CCDC157: variants seen among roughly 807,000 people sequenced by gnomAD.
CCDC157 encodes coiled-coil domain containing 157.
Under a neutral mutation model 70.9 loss-of-function variants are expected in CCDC157, and 60 were observed. The ratio of observed to expected loss-of-function variants is 0.85; its 90% CI spans 0.69 to 1.05. CCDC157 has a LOEUF of 1.05. Among genes scored for constraint, CCDC157 ranks in the 50% least tolerant of loss-of-function variants. The probability of loss-of-function intolerance (pLI) is 0.00; values close to 1 mark genes in which losing one functional copy is unlikely to be tolerated. For synonymous variants in CCDC157, 373 were observed against 422.4 expected, an observed-to-expected ratio of 0.88 and a Z score of 1.43; for missense variants, 943 against 984.2, an observed-to-expected ratio of 0.96 and a Z score of 0.56.
At chr22:30,367,511 T>C (rs1370865232) in intron 3 of CCDC157, among the ~76,000 whole-genome samples, 2 of 151,492 alleles carry the variant, frequency 1.3e-5, no homozygotes, top group African/African-American at 4.8e-5. Flanking sequence ...AGTGCTGGGA[T>C]TACAGGCGTG....
intron 10 of CCDC157, 39 bp from the exon 11 acceptor site, chr22:30,376,220 T>TG: frequency 1.3e-6 from 2 of 1,582,658 alleles, no homozygotes; most frequent in Middle Eastern, 1.7e-4. Context: ...AGGGGACTCC[T>TG]GGGCCCTTAT....
intron 8 of CCDC157, 53 bp from the exon 9 acceptor site, chr22:30,373,870 T>C: frequency 3.8e-6 from 6 of 1,566,982 alleles, no homozygotes; most frequent in Non-Finnish European, 5.2e-6. Flanking sequence ...CCCAGGGCGC[T>C]GAGTACCATG....
At chr22:30,371,363 A>G (rs921838953) in intron 5 of CCDC157, 5 of 522,272 alleles carry the variant, frequency 9.6e-6, no homozygotes, top group Non-Finnish European at 1.4e-5. Flanking sequence ...GCCAGTGCCC[A>G]CTGATGGGAG....
intron 5 of CCDC157, 115 bp downstream of exon 5, chr22:30,371,065 T>A (rs1327596025): frequency 1.5e-6 from 2 of 1,305,730 alleles, no homozygotes; most frequent in Non-Finnish European, 2.1e-6. Context: ...GAACCCAGGC[T>A]GGGACACAGG....
Position 30,360,840 on chromosome 22 carries a change from G to A in CCDC157, c.-165-1121G>A, listed in dbSNP as rs150162887. 3.1e-3 allele frequency among the ~76,000 whole-genome samples: 470 copies of A among 152,274 alleles called. 1 individual carries two copies. The highest frequency in any genetic ancestry group is 4.4e-3 in the Non-Finnish European group (299 of 68,024). ...AGGTAGGTGGATCATGAGGTCAGGA[G>A]TTTGAGACTAGCCTGACCAACATAG... is the stretch of plus-strand genomic sequence containing the variant. On this transcript the variant is annotated intron_variant, in intron 1 of 11. Coordinates refer to ENST00000338306, the MANE Select transcript of CCDC157 (RefSeq NM_001017437.5).
In CCDC157 at chr22:30,361,991, C is replaced by A. The variant is rs1028212635; in HGVS notation, c.-135C>A. 2 of 152,494 alleles carry A rather than the reference C, an allele frequency of 1.3e-5. No individual in the cohort carries two copies. The highest frequency in any genetic ancestry group is 4.8e-5 in the African/African-American group (2 of 41,474). 9.4% of individuals were successfully genotyped at this position (152,494 alleles called of 1,614,324 possible). A position where few individuals can be genotyped will look rare whatever the true frequency, so the allele number is the denominator to read the frequency against. On this transcript the variant is annotated 5_prime_UTR_variant, in exon 2 of 12. Coordinates refer to ENST00000338306, the MANE Select transcript of CCDC157 (RefSeq NM_001017437.5). ...GAAGAGCTACTCAGAGCCAACCCTG[C>A]ACTGGAGACAGGAAGCCGGGCACCT...
chr22:30,364,548 C>T (rs1363049940), intron 2 of CCDC157, among the ~76,000 whole-genome samples: 1 of 152,166 alleles, frequency 6.6e-6, no homozygotes, highest in East Asian at 1.9e-4. Flanking sequence ...GTGGCTCACG[C>T]CTGTAATCCC....
intron 9 of CCDC157, 143 bp downstream of exon 9, chr22:30,374,234 G>T (rs1447677182): frequency 5.2e-6 from 5 of 962,656 alleles, no homozygotes. Flanking sequence ...CGCAGCCCCT[G>T]TGGACCCACC....
At chr22:30,361,034 G>A (rs1403158778) in intron 1 of CCDC157, among the ~76,000 whole-genome samples, 1 of 151,806 alleles carries the variant, frequency 6.6e-6, no homozygotes, top group East Asian at 1.9e-4. Flanking sequence ...GCAACAGAGC[G>A]AGACTCTCTT....
intron 4 of CCDC157, 149 bp downstream of exon 4, chr22:30,369,752 GCC>G: frequency 6.6e-6 from 4 of 607,370 alleles, no homozygotes; most frequent in Non-Finnish European, 1.1e-5. Flanking sequence ...TCCCAATCAA[GCC>G]CCACACAGTG....
intron 7 of CCDC157, 115 bp downstream of exon 7, chr22:30,372,401 C>G: frequency 7.4e-6 from 10 of 1,357,320 alleles, no homozygotes; most frequent in Non-Finnish European, 7.8e-6. Flanking sequence ...CCCTGAGATG[C>G]CTCCAGGTGT....
intron 4 of CCDC157, chr22:30,369,882 G>C: frequency 2.2e-6 from 1 of 464,782 alleles, no homozygotes; most frequent in Non-Finnish European, 3.8e-6. Flanking sequence ...CTATACAACG[G>C]AGGTCATGTG....
chr22:30,376,014 C>A, intron 10 of CCDC157: 1 of 546,324 alleles, frequency 1.8e-6, no homozygotes, highest in Non-Finnish European at 3.2e-6. Context: ...ATAATGGGAC[C>A]CCGTTTCTAC....
intron 7 of CCDC157, 105 bp downstream of exon 7, chr22:30,372,391 C>T: frequency 7.3e-7 from 1 of 1,366,550 alleles, no homozygotes; most frequent in Non-Finnish European, 9.6e-7. Context: ...GGCATCTGCT[C>T]CCTGAGATGC....
chr22:30,374,215 G>A lies in CCDC157; in HGVS notation c.1672+124G>A, dbSNP rs117870463. On this transcript the variant is annotated intron_variant, in intron 9 of 11. Transcript: ENST00000338306. ...TGCAGCAAGGGTGTTAAAGCCAGGCGGCCAGCAGCGCAGCCCCTGTGGACC... is the reference window on the plus strand; with the variant it reads ...TGCAGCAAGGGTGTTAAAGCCAGGCAGCCAGCAGCGCAGCCCCTGTGGACC... 9.5e-4 allele frequency: 1,146 copies of A among 1,204,694 alleles called. 17 individuals carry two copies. In the East Asian group the frequency reaches 0.028, roughly 29 times the overall value. The allele number at this position is 1,204,694 out of a possible 1,614,324, so 74.6% of individuals were successfully genotyped here.
chr22:30,356,962 A>G (rs1394071246), upstream of CCDC157: 6 of 525,722 alleles, frequency 1.1e-5, no homozygotes, highest in East Asian at 1.1e-4. Flanking sequence ...CCTCGCCGTG[A>G]CGCGCTTCCC....
At chr22:30,373,037 AG>A (rs1158384886) in intron 7 of CCDC157, 4 of 154,872 alleles carry the variant, frequency 2.6e-5, no homozygotes, top group African/African-American at 9.7e-5. Flanking sequence ...TCCTCGCTAC[AG>A]CAACAGGAGG....
At chr22:30,362,322 G>T (rs1249640740) in intron 2 of CCDC157, among the ~76,000 whole-genome samples, 2 of 152,214 alleles carry the variant, frequency 1.3e-5, no homozygotes, top group African/African-American at 4.8e-5. Context: ...GGTGTATGCT[G>T]GGAAGAAAAA....
Position 30,372,261 on chromosome 22 carries a change from T to A in CCDC157, c.1310T>A (p.Val437Asp). Residue 437 changes from valine (V) to aspartate (D), a missense_variant, in exon 7 of 12, where the codon GTC becomes GAC. Physicochemically the swap from Val to Asp is radical, Grantham distance 152. Transcript: ENST00000338306. ...STELDKEKAR[V>D]DSMVRHQESL... ...GAGCTGGATAAGGAGAAGGCCCGTG[T>A]CGACAGCATGGTCCGCCACCAGGAG... The A allele has an allele frequency of 6.3e-7, 1 of 1,585,074 alleles. No individual in the cohort carries two copies. Among genetic ancestry groups the A allele is most frequent in the Admixed American group, 1.7e-5 (1 of 57,172 alleles).
Sources: gnomAD v4.1 joint callset for allele counts (sites outside exome capture counted in the v4.1 genomes callset) on GRCh38, gnomAD v4.1.1 for gene constraint, MANE v1.5 for transcripts, NCBI Gene and HGNC (gene_info 2026-07-23, HGNC 2026-07-21) for gene names.